P3H2: variants seen among roughly 807,000 people sequenced by gnomAD.
P3H2 encodes leprecan-like 1.
A neutral mutation model predicts 87.0 loss-of-function variants in P3H2; 80 were observed. The ratio of observed to expected loss-of-function variants is 0.92; its 90% CI spans 0.77 to 1.11. The LOEUF is 1.11. P3H2 is among the 50% of genes least tolerant of loss of function. The pLI is 0.00. For missense variants in P3H2, 1,001 were observed against 923.9 expected (o/e 1.08, Z -1.08); for synonymous variants, 367 against 359.3 (o/e 1.02, Z -0.24).
intron 1 of P3H2, among the ~76,000 whole-genome samples, chr3:190,111,360 G>A (rs1017969621): frequency 6.6e-6 from 1 of 152,120 alleles, no homozygotes; most frequent in Non-Finnish European, 1.5e-5. Context: ...CAGGGTTCTT[G>A]GATTCTAACC....
intron 1 of P3H2, among the ~76,000 whole-genome samples, chr3:190,083,899 C>T (rs1007220789): frequency 2.0e-5 from 3 of 152,130 alleles, no homozygotes; most frequent in Non-Finnish European, 2.9e-5. Flanking sequence ...ACAAGCTTGG[C>T]TGGATTTTTA....
At chr3:189,998,706 T>C (rs974767826) in intron 1 of P3H2, among the ~76,000 whole-genome samples, 2 of 152,230 alleles carry the variant, frequency 1.3e-5, no homozygotes, top group Non-Finnish European at 2.9e-5. Flanking sequence ...AAGAAGTAAC[T>C]TGTAATAAGT....
At chr3:190,099,591 A>G (rs949832247) in intron 1 of P3H2, among the ~76,000 whole-genome samples, 2 of 152,224 alleles carry the variant, frequency 1.3e-5, no homozygotes, top group African/African-American at 4.8e-5. Flanking sequence ...GTGTTGAACC[A>G]AGGTTGGCTG....
chr3:189,982,313 G>C (rs1723562430), intron 8 of P3H2, among the ~76,000 whole-genome samples: 1 of 152,080 alleles, frequency 6.6e-6, no homozygotes, highest in African/African-American at 2.4e-5. Flanking sequence ...AAATTTGCTG[G>C]GAAATCATAA....
intron 1 of P3H2, among the ~76,000 whole-genome samples, chr3:190,017,126 T>C (rs544264371): frequency 6.6e-6 from 1 of 152,310 alleles, no homozygotes; most frequent in South Asian, 2.1e-4. Context: ...CTGTGTTTCC[T>C]CCCATTTGTT....
chr3:190,093,982 A>C (rs1227002800), intron 1 of P3H2, among the ~76,000 whole-genome samples: 4 of 144,198 alleles, frequency 2.8e-5, no homozygotes, highest in Admixed American at 2.7e-4. Context: ...TTGGCTCCCA[A>C]GAATAAAAAA....
At chr3:189,971,269 CTTG>C (rs1302322080) in intron 12 of P3H2, among the ~76,000 whole-genome samples, 1 of 152,130 alleles carries the variant, frequency 6.6e-6, no homozygotes, top group African/African-American at 2.4e-5. Flanking sequence ...TTGCTTTGTT[CTTG>C]TTGTTGTTTT....
chr3:190,071,864 T>C (rs900801797), intron 1 of P3H2, among the ~76,000 whole-genome samples: 2 of 150,154 alleles, frequency 1.3e-5, no homozygotes, highest in Non-Finnish European at 3.0e-5. Flanking sequence ...AAATCTAACA[T>C]AGCAATAAGA....
intron 1 of P3H2, among the ~76,000 whole-genome samples, chr3:190,100,079 T>G (rs1411082079): frequency 1.3e-5 from 2 of 151,864 alleles, no homozygotes; most frequent in African/African-American, 2.4e-5. Flanking sequence ...ACTAAAAATA[T>G]AAAAATTAGC....
At chr3:190,096,497 G>C (rs1229739598) in intron 1 of P3H2, among the ~76,000 whole-genome samples, 1 of 152,102 alleles carries the variant, frequency 6.6e-6, no homozygotes, top group Non-Finnish European at 1.5e-5. Flanking sequence ...CTGTGGAATT[G>C]TGTCAATTAC....
intron 1 of P3H2, among the ~76,000 whole-genome samples, chr3:190,096,707 C>A (rs891328199): frequency 1.3e-5 from 2 of 152,186 alleles, no homozygotes; most frequent in African/African-American, 4.8e-5. Flanking sequence ...TCACACCCAC[C>A]TTCTTCCATG....
At chr3:189,983,213 C>T in intron 7 of P3H2, 73 bp from the exon 8 acceptor site, 1 of 1,130,612 alleles carries the variant, frequency 8.8e-7, no homozygotes, top group East Asian at 2.3e-5. Context: ...AATACTTTAC[C>T]AAGGTAGTCT....
intron 1 of P3H2, among the ~76,000 whole-genome samples, chr3:190,050,820 T>C (rs1725959216): frequency 6.6e-6 from 1 of 152,128 alleles, no homozygotes. Context: ...GAATGAAGAG[T>C]ATTAGCCTGA....
intron 13 of P3H2, among the ~76,000 whole-genome samples, chr3:189,970,189 CAAATATATAT>C (rs1394084573): frequency 0.013 from 264 of 20,042 alleles, 8 homozygotes; most frequent in Admixed American, 0.033. Context: ...TATATATATG[CAAATATATAT>C]ATATATATAT....
At chr3:189,968,441 T>C (rs1369654977) in intron 13 of P3H2, among the ~76,000 whole-genome samples, 1 of 152,220 alleles carries the variant, frequency 6.6e-6, no homozygotes, top group Non-Finnish European at 1.5e-5. Context: ...TTTTTATGGC[T>C]GCATAGTCTT....
chr3:189,982,603 G>T lies in P3H2; in HGVS notation c.1324+443C>A, dbSNP rs990992850. 9.4e-4 allele frequency among the ~76,000 whole-genome samples: 143 copies of T among 152,262 alleles called. 1 individual carries two copies. Among genetic ancestry groups the T allele is most frequent in the African/African-American group, 3.2e-3 (132 of 41,558 alleles). On this transcript the variant is annotated intron_variant, in intron 8 of 14. Coordinates refer to ENST00000319332, the MANE Select transcript of P3H2 (RefSeq NM_018192.4). The stretch of plus-strand genomic sequence containing the variant: ...CTGCTTTCTCTAAAGGCCCTGCTCA[G>T]ATCTATGTGCTTCAAGCATCTAAGG...
intron 1 of P3H2, among the ~76,000 whole-genome samples, chr3:190,040,271 C>A (rs1370090857): frequency 6.6e-6 from 1 of 152,148 alleles, no homozygotes; most frequent in African/African-American, 2.4e-5. Flanking sequence ...TAAAGCACCA[C>A]CAGATATTTA....
chr3:189,960,943 C>CTT (rs10679470), intron 14 of P3H2, among the ~76,000 whole-genome samples: 29,089 of 144,836 alleles, frequency 0.2, 3,071 homozygotes, highest in Non-Finnish European at 0.26. Context: ...GGAAAACAAT[C>CTT]TTTTTTTTTT....
At chr3:190,066,237 C>T (rs1350652775) in intron 1 of P3H2, among the ~76,000 whole-genome samples, 1 of 150,628 alleles carries the variant, frequency 6.6e-6, no homozygotes, top group African/African-American at 2.5e-5. Context: ...CATATACATA[C>T]ATATATATGA....
Sources: allele counts gnomAD v4.1 joint callset (sites outside exome capture counted in the v4.1 genomes callset), GRCh38; gene constraint gnomAD v4.1.1; transcripts MANE v1.5; gene names NCBI Gene and HGNC (gene_info 2026-07-23, HGNC 2026-07-21).